The following SHANK2 variants were observed in gnomAD, a reference collection of about 807,000 sequenced individuals.
SHANK2 encodes the protein SH3 and multiple ankyrin repeat domains 2, also known as SH3 and multiple ankyrin repeat domains protein 2.
Under a neutral mutation model 133.7 loss-of-function variants are expected in SHANK2, and 43 were observed. That is an observed-to-expected ratio of 0.32 (90% CI 0.25 to 0.41). The LOEUF is 0.41. Ranked by LOEUF, SHANK2 falls within the 10% of genes least tolerant of loss-of-function variation. The pLI, the probability that SHANK2 is intolerant of heterozygous loss-of-function variation, is 1.00. For missense variants in SHANK2, 1,994 were observed against 2,235.8 expected (o/e 0.89, Z 2.18); for synonymous variants, 1,017 against 952.8 (o/e 1.07, Z -1.24).
intron 8 of SHANK2, among the ~76,000 whole-genome samples, chr11:71,078,422 C>A (rs1423082516): frequency 7.2e-5 from 11 of 152,114 alleles, no homozygotes; most frequent in Admixed American, 7.2e-4. Flanking sequence ...CATTTAGCAA[C>A]CATAATAGCA....
chr11:71,179,167 T>C (rs1555113460), intron 2 of SHANK2, among the ~76,000 whole-genome samples: 4 of 152,192 alleles, frequency 2.6e-5, no homozygotes, highest in Non-Finnish European at 5.9e-5. Flanking sequence ...TGAACACAGA[T>C]GCAAAAAGTC....
chr11:71,073,156 C>CTT lies in SHANK2; in HGVS notation c.1029+2001_1029+2002dup, dbSNP rs1198101078. Among the ~76,000 whole-genome samples, 47 of 40,764 alleles carry CTT rather than the reference C, an allele frequency of 1.2e-3. 1 individual carries two copies. Among genetic ancestry groups the CTT allele is most frequent in the South Asian group, 2.7e-3 (2 of 740 alleles). The allele number at this position is 40,764 out of a possible 152,430, so 26.7% of individuals were successfully genotyped here. A position where few individuals can be genotyped will look rare whatever the true frequency, so the allele number is the denominator to read the frequency against. On this transcript the variant is annotated intron_variant, in intron 9 of 25. Coordinates refer to ENST00000601538, the MANE Select transcript of SHANK2 (RefSeq NM_012309.5). ...TTTTTCTTTTTCTTTTCTTTTTTTT[C>CTT]TTTTTTTTCTTTTTTTTTTTGAGAT...
At chr11:70,659,454 G>C (rs1218985277) in intron 17 of SHANK2, among the ~76,000 whole-genome samples, 1 of 152,044 alleles carries the variant, frequency 6.6e-6, no homozygotes, top group Non-Finnish European at 1.5e-5. Flanking sequence ...TCACCCATAG[G>C]ACACAAGAAG....
chr11:71,206,577 A>G (rs920227355), intron 2 of SHANK2, among the ~76,000 whole-genome samples: 7 of 152,274 alleles, frequency 4.6e-5, no homozygotes, highest in Admixed American at 3.9e-4. Flanking sequence ...TACAGCGCTC[A>G]TGTCCCCATA....
At chr11:70,781,485 C>T (rs1947487268) in intron 14 of SHANK2, among the ~76,000 whole-genome samples, 1 of 143,208 alleles carries the variant, frequency 7.0e-6, no homozygotes, top group Non-Finnish European at 1.5e-5. Context: ...CTCAAAGCTG[C>T]AGGGCAGAGT....
rs376442308 is a variant in SHANK2, at chr11:70,500,030, G to C, written c.2308+540C>G. Among the ~76,000 whole-genome samples, 2 of 152,144 alleles carry C rather than the reference G, an allele frequency of 1.3e-5. No homozygotes were observed. Among genetic ancestry groups the C allele is most frequent in the Non-Finnish European group, 2.9e-5 (2 of 68,030 alleles). ...GAACCTGAGTCTATCTGGGGCCTGC[G>C]GTCCGGCTGCCCACAGCCACAGTGA... is the stretch of plus-strand genomic sequence containing the variant. On this transcript the variant is annotated intron_variant, in intron 21 of 25. Coordinates refer to ENST00000601538, the MANE Select transcript of SHANK2 (RefSeq NM_012309.5). The surrounding 1 kb of genome is among the most constrained non-coding windows in gnomAD (Gnocchi z 4.5).
intron 2 of SHANK2, among the ~76,000 whole-genome samples, chr11:71,162,067 T>A (rs145487234): frequency 8.9e-4 from 135 of 152,316 alleles, no homozygotes; most frequent in African/African-American, 3.2e-3. Flanking sequence ...TTCTGGAGCA[T>A]CACATGATCT....
chr11:70,672,127 G>A (rs373062192), intron 15 of SHANK2, among the ~76,000 whole-genome samples: 13 of 147,134 alleles, frequency 8.8e-5, no homozygotes, highest in South Asian at 2.1e-4. Context: ...GCAGTGGCGC[G>A]ATCTTGGCTC....
chr11:70,856,669 G>A (rs1442637681), intron 11 of SHANK2, among the ~76,000 whole-genome samples: 2 of 152,172 alleles, frequency 1.3e-5, no homozygotes, highest in African/African-American at 2.4e-5. Flanking sequence ...TAGGGGGTGT[G>A]AGTTTAAACC....
At chr11:71,176,563 T>A (rs1471983228) in intron 2 of SHANK2, among the ~76,000 whole-genome samples, 2 of 152,088 alleles carry the variant, frequency 1.3e-5, no homozygotes, top group East Asian at 3.8e-4. Flanking sequence ...ATATCTGAAG[T>A]GAAAAATACC....
chr11:71,129,449 G>C (rs1952255090), intron 3 of SHANK2, among the ~76,000 whole-genome samples: 1 of 152,138 alleles, frequency 6.6e-6, no homozygotes, highest in Admixed American at 6.5e-5. Flanking sequence ...GAGCAGGCGA[G>C]GCAACATAGG....
rs116203400 is a variant in SHANK2, at chr11:71,186,252, A to G, written c.-13+38445T>C. ...GCAAAACACAAGTCAACACCTGCTG[A>G]TGTCTTCCCCAGCCCCAGCCTCACC... On this transcript the variant is annotated intron_variant, in intron 2 of 25. Transcript: ENST00000601538. 1.8e-3 allele frequency among the ~76,000 whole-genome samples: 276 copies of G among 152,318 alleles called. 1 individual carries two copies. Among genetic ancestry groups the G allele is most frequent in the African/African-American group, 6.3e-3 (261 of 41,570 alleles).
rs568670617 is a variant in SHANK2, at chr11:70,531,855, TTTC to T, written c.2062-28927_2062-28925del. ...TTGCAGCTCCACTTCTCCCCATACA[TTTC>T]TTTCCTGCCTCGCAGCTCTGGGTGC... On this transcript the variant is annotated intron_variant, in intron 17 of 25. Transcript: ENST00000601538. Among the ~76,000 whole-genome samples the T allele has an allele frequency of 2.6e-3, 392 of 152,254 alleles. 1 individual carries two copies. The highest frequency in any genetic ancestry group is 9.1e-3 in the African/African-American group (379 of 41,550).
At chr11:70,552,352 G>C (rs1554978337) in intron 17 of SHANK2, among the ~76,000 whole-genome samples, 1 of 152,200 alleles carries the variant, frequency 6.6e-6, no homozygotes, top group African/African-American at 2.4e-5. Context: ...CTGGTGCCCA[G>C]CAGGGCCCTG....
chr11:70,689,310 T>C (rs986422587), intron 15 of SHANK2, among the ~76,000 whole-genome samples: 1 of 151,996 alleles, frequency 6.6e-6, no homozygotes, highest in South Asian at 2.1e-4. Context: ...AAGTGACAAA[T>C]GGGGAGAACG....
intron 2 of SHANK2, among the ~76,000 whole-genome samples, chr11:71,155,169 A>T (rs1371852839): frequency 6.0e-5 from 4 of 67,040 alleles, no homozygotes; most frequent in East Asian, 4.9e-4. Flanking sequence ...GACCTACCCC[A>T]GCCCAAGCTC....
chr11:71,174,270 T>C (rs782361788), intron 2 of SHANK2, among the ~76,000 whole-genome samples: 63 of 152,326 alleles, frequency 4.1e-4, no homozygotes, highest in Admixed American at 1.8e-3. Context: ...CCAGGCACAG[T>C]GGTTCACACC....
At chr11:71,117,657 G>A (rs2135260639) in intron 4 of SHANK2, among the ~76,000 whole-genome samples, 1 of 152,298 alleles carries the variant, frequency 6.6e-6, no homozygotes, top group East Asian at 1.9e-4. Context: ...CTCAACAATG[G>A]GGCCTGGGGG....
intron 14 of SHANK2, among the ~76,000 whole-genome samples, chr11:70,770,356 T>C (rs1555042447): frequency 6.6e-6 from 1 of 152,222 alleles, no homozygotes; most frequent in African/African-American, 2.4e-5. Flanking sequence ...GTCATGGCCA[T>C]GGGCCTGTGG....
Sources: gnomAD v4.1 joint callset for allele counts (sites outside exome capture counted in the v4.1 genomes callset) on GRCh38, gnomAD v4.1.1 for gene constraint, Gnocchi (gnomAD v3.1) non-coding constraint, MANE v1.5 for transcripts, NCBI Gene and HGNC (gene_info 2026-07-23, HGNC 2026-07-21) for gene names.